Variants in TMEM160 observed in about 807,000 individuals in gnomAD.
TMEM160 encodes the protein transmembrane protein 160.
Under a neutral mutation model 13.9 loss-of-function variants are expected in TMEM160, and 10 were observed. The observed-to-expected ratio is 0.72, with a 90% CI of 0.45 to 1.22. The LOEUF (loss-of-function observed/expected upper bound fraction) is 1.22. TMEM160 is among the 50% of genes most tolerant of loss of function. The probability of loss-of-function intolerance (pLI) is 0.00; values close to 1 mark genes in which losing one functional copy is unlikely to be tolerated. For missense variants in TMEM160, 287 were observed against 283.2 expected, an observed-to-expected ratio of 1.01 and a Z score of -0.10; for synonymous variants, 159 against 134.8, an observed-to-expected ratio of 1.18 and a Z score of -1.25.
intron 1 of TMEM160, among the ~76,000 whole-genome samples, chr19:47,048,041 C>T (rs1180609234): frequency 2.7e-5 from 4 of 149,652 alleles, no homozygotes; most frequent in African/African-American, 5.0e-5. Context: ...CTCCCGCTCT[C>T]TGCACAGTGG....
At chr19:47,046,381 C>A in intron 2 of TMEM160, 129 bp from the exon 3 acceptor site, 1 of 1,220,386 alleles carries the variant, frequency 8.2e-7, no homozygotes, top group Non-Finnish European at 1.1e-6. Context: ...AGAATCAGAT[C>A]GGAGGGGAGG....
In TMEM160 at chr19:47,048,605, C is replaced by A. The variant is rs753538645; in HGVS notation, c.10G>T (p.Gly4Cys). Residue 4 changes from glycine to cysteine, a missense_variant, in exon 1 of 3, where the codon GGC (glycine) becomes TGC (cysteine). By Grantham distance (159) the Gly-to-Cys change is radical. Coordinates refer to ENST00000253047, the MANE Select transcript of TMEM160 (RefSeq NM_017854.2). ...CGAGCGGCCCGAGCCCACCACCAGC[C>A]GCCTCCCATGATTCGCACTACGGCC... MGG[G>C]WWWARAARLA... The A allele has an allele frequency of 9.8e-6, 15 of 1,534,714 alleles. No individual in the cohort carries two copies. The highest frequency in any genetic ancestry group is 6.1e-6 in the Non-Finnish European group (7 of 1,150,404).
intron 1 of TMEM160, chr19:47,048,003 A>G: frequency 1.1e-6 from 1 of 888,650 alleles, no homozygotes; most frequent in Non-Finnish European, 1.3e-6. Context: ...CCAATCCTGA[A>G]CTTCCCCCTC....
intron 1 of TMEM160, chr19:47,047,705 G>A: frequency 1.7e-6 from 1 of 589,442 alleles, no homozygotes; most frequent in Non-Finnish European, 2.1e-6. Context: ...AAATAGTTGG[G>A]TGCGGTGGTG....
Position 47,046,218 on chromosome 19 carries a change from C to A in TMEM160, c.336G>T (p.Trp112Cys), listed in dbSNP as rs1441993129. The change falls in exon 3 of 3, where the codon TGG becomes TGT. Residue 112 changes from tryptophan to cysteine, a missense_variant. Coordinates refer to ENST00000253047, the MANE Select transcript of TMEM160 (RefSeq NM_017854.2). The stretch of plus-strand genomic sequence containing the variant: ...GGCCCACGGCGTACGAGGCGCTGCC[C>A]CACACCACGCACAGGCCGCCCAGCA... ...FFLLGGLCVV[W>C]GSASYAVGLA... 1 of 1,536,038 alleles carries A rather than the reference C, an allele frequency of 6.5e-7. No individual in the cohort carries two copies. The highest frequency in any genetic ancestry group is 2.3e-4 in the Middle Eastern group (1 of 4,406).
At chr19:47,046,453 C>A (rs2057080522) in intron 2 of TMEM160, 140 bp downstream of exon 2, 1 of 943,064 alleles carries the variant, frequency 1.1e-6, no homozygotes, top group South Asian at 1.5e-5. Context: ...GGAGGGGTGT[C>A]TTCTGGTGGG....
At chr19:47,046,437 CCTAT>C (rs2057080439) in intron 2 of TMEM160, among the ~76,000 whole-genome samples, 152 bp downstream of exon 2, 1 of 152,032 alleles carries the variant, frequency 6.6e-6, no homozygotes, top group African/African-American at 2.4e-5. Context: ...GGACCTAGTG[CCTAT>C]GGGAGGGGTG....
At chr19:47,046,442 G>A in intron 2 of TMEM160, 151 bp downstream of exon 2, 1 of 916,874 alleles carries the variant, frequency 1.1e-6, no homozygotes, top group African/African-American at 1.6e-5. Context: ...TAGTGCCTAT[G>A]GGAGGGGTGT....
At chr19:47,047,323 G>A (rs1278525438) in intron 1 of TMEM160, 2 of 985,250 alleles carry the variant, frequency 2.0e-6, no homozygotes, top group African/African-American at 3.5e-5. Context: ...CCCTCTACGT[G>A]TACCCCCACG....
chr19:47,047,718 T>C (rs2057088457), intron 1 of TMEM160: 5 of 544,750 alleles, frequency 9.2e-6, no homozygotes, highest in Non-Finnish European at 1.2e-5. Context: ...CGGTGGTGTA[T>C]GCCTGTAGCT....
rs377284578 is a variant in TMEM160, at chr19:47,046,041, G to T, written c.513C>A (p.Asp171Glu). ...ELDVELVPED[D>E]GTASAEGPDE... ...CAGGGCCTTCCGCGGAGGCCGTCCC[G>T]TCGTCCTCGGGCACCAGCTCCACGT... The change falls in exon 3 of 3, where the codon GAC becomes GAA. Residue 171 changes from aspartate (D) to glutamate (E), a missense_variant. By Grantham distance (45) the Asp-to-Glu change is conservative (BLOSUM62 2). Coordinates refer to ENST00000253047, the MANE Select transcript of TMEM160 (RefSeq NM_017854.2). 2 of 1,548,726 alleles carry T rather than the reference G, an allele frequency of 1.3e-6. No individual in the cohort carries two copies. The highest frequency in any genetic ancestry group is 1.4e-5 in the African/African-American group (1 of 73,388).
At position 47,048,556 on chromosome 19, in the gene TMEM160, C is replaced by T. The variant is rs2057093410; in HGVS notation, c.59G>A (p.Arg20Lys). The change falls in exon 1 of 3, where the codon AGG becomes AAG. Residue 20 changes from arginine to lysine, a missense_variant. Arg to Lys is a conservative substitution (Grantham distance 26). Transcript: ENST00000253047. ...AARLARLRFR[R>K]SLLPPQRPRS... ...GGGCCGCTGAGGCGGCAGTAGCGAC[C>T]TCCGGAAGCGAAGACGGGCAAGGCG... 6.6e-7 allele frequency: 1 copy of T among 1,512,546 alleles called. No homozygotes were observed. Among genetic ancestry groups the T allele is most frequent in the Admixed American group, 2.1e-5 (1 of 48,704 alleles). 93.7% of individuals were successfully genotyped at this position (1,512,546 alleles called of 1,614,324 possible).
In TMEM160 at chr19:47,047,440, C is replaced by A. The variant is rs555671904; in HGVS notation, c.209-755G>T. ...TCCTTCAAATGCCGCCATCTCCTACCGAGTATGGCCTGGGCCAATCCCATC... is the reference window on the plus strand; with the variant it reads ...TCCTTCAAATGCCGCCATCTCCTACAGAGTATGGCCTGGGCCAATCCCATC... On this transcript the variant is annotated intron_variant, in intron 1 of 2. Transcript: ENST00000253047. 5 of 984,918 alleles carry A rather than the reference C, an allele frequency of 5.1e-6. No homozygotes were observed. In the Admixed American group the frequency reaches 2.5e-4, roughly 49 times the overall value. The allele number at this position is 984,918 out of a possible 1,614,324, so 61.0% of individuals were successfully genotyped here. A position where few individuals can be genotyped will look rare whatever the true frequency, so the allele number is the denominator to read the frequency against.
Position 47,046,069 on chromosome 19 carries a change from A to G in TMEM160, c.485T>C (p.Leu162Pro), listed in dbSNP as rs1451375211. The change falls in exon 3 of 3, where the codon CTG becomes CCG. Residue 162 changes from leucine to proline, a missense_variant. By Grantham distance (98) the Leu-to-Pro change is moderately conservative. Transcript: ENST00000253047. Reference protein sequence around the residue: ...AVGLYMGQLELDVELVPEDDG... With the variant: ...AVGLYMGQLEPDVELVPEDDG... The stretch of plus-strand genomic sequence containing the variant: ...GTCCTCGGGCACCAGCTCCACGTCC[A>G]GCTCCAGCTGCCCCATGTAGAGGCC... The G allele has an allele frequency of 1.3e-6, 2 of 1,546,648 alleles. No individual in the cohort carries two copies. The highest frequency in any genetic ancestry group is 1.7e-6 in the Non-Finnish European group (2 of 1,152,976).
In TMEM160 at chr19:47,046,721, C is replaced by T. The variant is rs368970235; in HGVS notation, c.209-36G>A. On this transcript the variant is annotated intron_variant, in intron 1 of 2. Coordinates refer to ENST00000253047, the MANE Select transcript of TMEM160 (RefSeq NM_017854.2). Reference sequence around the variant, plus strand: ...GGGGACATGGGGGGATTAACATCACCCCCAACCCTACCTCCTCAATCCCCC... The same window carrying T: ...GGGGACATGGGGGGATTAACATCACTCCCAACCCTACCTCCTCAATCCCCC... 132 of 1,462,614 alleles carry T rather than the reference C, an allele frequency of 9.0e-5. No homozygotes were observed. In the African/African-American group the frequency reaches 1.7e-3, roughly 19 times the overall value. 90.6% of individuals were successfully genotyped at this position (1,462,614 alleles called of 1,614,324 possible).
In TMEM160 at chr19:47,048,623, C is replaced by G; in HGVS notation, c.-9G>C. On this transcript the variant is annotated 5_prime_UTR_variant, in exon 1 of 3. Transcript: ENST00000253047. ...CACCAGCCGCCTCCCATGATTCGCA[C>G]TACGGCCGCCGCGCGCCGTACCGCC... 2 of 1,531,170 alleles carry G rather than the reference C, an allele frequency of 1.3e-6. No individual in the cohort carries two copies. Among genetic ancestry groups the G allele is most frequent in the Non-Finnish European group, 1.7e-6 (2 of 1,148,302 alleles). The allele number at this position is 1,531,170 out of a possible 1,614,324, so 94.8% of individuals were successfully genotyped here.
rs953599749 is a variant in TMEM160 at position 47,046,211 on chromosome 19, C to T, written c.343G>A (p.Ala115Thr). The T allele has an allele frequency of 1.8e-5, 27 of 1,534,150 alleles. No homozygotes were observed. Among genetic ancestry groups the T allele is most frequent in the Non-Finnish European group, 2.3e-5 (26 of 1,146,116 alleles). ...GCCGCCAGGCCCACGGCGTACGAGG[C>T]GCTGCCCCACACCACGCACAGGCCG... ...LGGLCVVWGSASYAVGLAALR... is the reference protein window; with the variant it reads ...LGGLCVVWGSTSYAVGLAALR... Residue 115 changes from alanine to threonine, a missense_variant, in exon 3 of 3, where the codon GCC becomes ACC. Coordinates refer to ENST00000253047, the MANE Select transcript of TMEM160 (RefSeq NM_017854.2).
At chr19:47,047,785 G>A (rs2057088757) in intron 1 of TMEM160, 14 of 671,230 alleles carry the variant, frequency 2.1e-5, no homozygotes, top group Non-Finnish European at 2.6e-5. Flanking sequence ...GTTCAAGGCT[G>A]CAGTGGGCTA....
chr19:47,047,525 T>A (rs2057087215), intron 1 of TMEM160: 2 of 972,138 alleles, frequency 2.1e-6, no homozygotes, highest in East Asian at 1.1e-4. Context: ...ATTCACGTCC[T>A]TTACAAACAG....
Sources: gnomAD v4.1 joint callset for allele counts (sites outside exome capture counted in the v4.1 genomes callset) on GRCh38, gnomAD v4.1.1 for gene constraint, MANE v1.5 for transcripts, NCBI Gene and HGNC (gene_info 2026-07-23, HGNC 2026-07-21) for gene names.